Variants in FBLN2 observed in about 807,000 individuals in gnomAD.
FBLN2 encodes fibulin-2.
Under a neutral mutation model 123.7 loss-of-function variants are expected in FBLN2, and 81 were observed. The observed-to-expected ratio is 0.65, with a 90% CI of 0.55 to 0.79. The LOEUF (loss-of-function observed/expected upper bound fraction) is 0.79, where lower values mean the gene tolerates loss of function less well. Among genes scored for constraint, FBLN2 ranks in the 30% least tolerant of loss-of-function variants. FBLN2 has a pLI of 0.00. For synonymous variants in FBLN2, 699 were observed against 701.4 expected, an observed-to-expected ratio of 1.00 and a Z score of 0.05; for missense variants, 1,603 against 1,681.3, an observed-to-expected ratio of 0.95 and a Z score of 0.81.
intron 16 of FBLN2, among the ~76,000 whole-genome samples, chr3:13,635,546 G>A (rs1038017468): frequency 1.2e-4 from 18 of 152,208 alleles, no homozygotes; most frequent in African/African-American, 2.7e-4. Flanking sequence ...GGAGGTGTGC[G>A]TGTGCTCACG....
At chr3:13,609,857 C>A (rs1705332733) in intron 4 of FBLN2, among the ~76,000 whole-genome samples, 1 of 152,218 alleles carries the variant, frequency 6.6e-6, no homozygotes, top group South Asian at 2.1e-4. Context: ...ATTTGTAGAG[C>A]ACCACTGTGT....
intron 6 of FBLN2, 52 bp from the exon 7 acceptor site, chr3:13,618,852 G>A (rs1333257207): frequency 1.4e-6 from 2 of 1,402,786 alleles, no homozygotes; most frequent in East Asian, 4.8e-5. Flanking sequence ...CTGAGGCCTG[G>A]CTGAAGACCT....
chr3:13,559,948 G>A (rs35041567), intron 1 of FBLN2, among the ~76,000 whole-genome samples: 2 of 152,072 alleles, frequency 1.3e-5, no homozygotes, highest in African/African-American at 2.4e-5. Flanking sequence ...TGTGTGGAGC[G>A]CCAGGTGGGG....
At position 13,637,864 on chromosome 3, in the gene FBLN2, C is replaced by T. The variant is rs1382229092; in HGVS notation, c.3641C>T (p.Ser1214Phe). Residue 1214 changes from serine (S) to phenylalanine (F), a missense_variant, in exon 18 of 18, where the codon TCC becomes TTC. Transcript: ENST00000404922. ...GAGATGAAGCTCTGGAGGCAGGGCT[C>T]CGTCACCACCTTCCTGGCCAAGATG... is the stretch of plus-strand genomic sequence containing the variant. ...DVEMKLWRQG[S>F]VTTFLAKMHI... 1.9e-5 allele frequency: 30 copies of T among 1,610,676 alleles called. No individual in the cohort carries two copies. The highest frequency in any genetic ancestry group is 2.5e-5 in the Non-Finnish European group (29 of 1,177,606).
intron 2 of FBLN2, among the ~76,000 whole-genome samples, chr3:13,582,834 G>A (rs543551099): frequency 7.2e-5 from 11 of 152,376 alleles, no homozygotes; most frequent in African/African-American, 2.6e-4. Flanking sequence ...GGGTGGCGGG[G>A]GAGGGATGAG....
chr3:13,630,928 TCTGAG>T, intron 15 of FBLN2, 113 bp downstream of exon 15: 5 of 824,042 alleles, frequency 6.1e-6, no homozygotes, highest in Non-Finnish European at 7.8e-6. Flanking sequence ...TAGCATCAGA[TCTGAG>T]TTCAAGCCCC....
rs543913241 is a variant in FBLN2, at chr3:13,633,642, G to T, written c.3214+2185G>T. Among the ~76,000 whole-genome samples the T allele has an allele frequency of 2.0e-4, 30 of 152,336 alleles. No homozygotes were observed. In the East Asian group the frequency reaches 3.1e-3, roughly 16 times the overall value. On this transcript the variant is annotated intron_variant, in intron 16 of 17. Coordinates refer to ENST00000404922, the MANE Select transcript of FBLN2 (RefSeq NM_001004019.2). ...TGAGGTCTCTCGGCTCAAACAGGGT[G>T]GGGGGAGGCTGGCTTGGGGGAAAGA...
At chr3:13,632,193 C>G (rs1416756082) in intron 16 of FBLN2, among the ~76,000 whole-genome samples, 1 of 152,214 alleles carries the variant, frequency 6.6e-6, no homozygotes, top group East Asian at 1.9e-4. Flanking sequence ...GGTGAGGGGC[C>G]AGGACACAGA....
chr3:13,627,682 C>G, intron 10 of FBLN2, 150 bp from the exon 11 acceptor site: 2 of 992,802 alleles, frequency 2.0e-6, no homozygotes, highest in South Asian at 3.7e-5. Context: ...AAAGGCCATG[C>G]CGGCAACAAT....
At chr3:13,604,537 T>A (rs1471653458) in intron 2 of FBLN2, among the ~76,000 whole-genome samples, 1 of 152,226 alleles carries the variant, frequency 6.6e-6, no homozygotes, top group Non-Finnish European at 1.5e-5. Flanking sequence ...AAAGATCAGA[T>A]GGTTGTAGAT....
intron 17 of FBLN2, among the ~76,000 whole-genome samples, 179 bp downstream of exon 17, chr3:13,636,747 G>A (rs1706486958): frequency 6.6e-6 from 1 of 152,214 alleles, no homozygotes; most frequent in Non-Finnish European, 1.5e-5. Flanking sequence ...AGAGTTCAGG[G>A]TTGAGAGAAG....
intron 1 of FBLN2, among the ~76,000 whole-genome samples, chr3:13,565,975 T>G (rs1048192874): frequency 1.1e-4 from 17 of 152,242 alleles, no homozygotes; most frequent in African/African-American, 3.9e-4. Flanking sequence ...GCCTTCCTGA[T>G]GGGTGCAAGG....
intron 2 of FBLN2, among the ~76,000 whole-genome samples, chr3:13,597,599 GCAT>G (rs746270190): frequency 3.9e-5 from 6 of 152,220 alleles, no homozygotes; most frequent in Non-Finnish European, 8.8e-5. Flanking sequence ...GAGGTGGCTG[GCAT>G]CATGTGGTCA....
chr3:13,592,809 G>A (rs765370938), intron 2 of FBLN2, among the ~76,000 whole-genome samples: 45 of 152,024 alleles, frequency 3.0e-4, no homozygotes, highest in Non-Finnish European at 5.4e-4. Context: ...AGTTTGCTTT[G>A]GCAACAGTTT....
intron 1 of FBLN2, among the ~76,000 whole-genome samples, chr3:13,553,555 G>A (rs372976248): frequency 6.6e-6 from 1 of 152,250 alleles, no homozygotes; most frequent in Non-Finnish European, 1.5e-5. Context: ...AGGGCCCCTC[G>A]TGGGTCAAGC....
intron 1 of FBLN2, among the ~76,000 whole-genome samples, chr3:13,566,891 C>T (rs760089742): frequency 1.3e-5 from 2 of 152,196 alleles, no homozygotes; most frequent in Non-Finnish European, 2.9e-5. Context: ...GCTGGTGGGC[C>T]CCCGACTATG....
At chr3:13,633,954 A>AACAC (rs56947028) in intron 16 of FBLN2, among the ~76,000 whole-genome samples, 3,116 of 112,874 alleles carry the variant, frequency 0.028, 181 homozygotes, top group African/African-American at 0.084. Flanking sequence ...ACACACTGCA[A>AACAC]ACACACACAC....
intron 1 of FBLN2, among the ~76,000 whole-genome samples, chr3:13,562,613 C>T (rs1051063513): frequency 3.9e-5 from 6 of 152,192 alleles, no homozygotes; most frequent in Admixed American, 2.6e-4. Flanking sequence ...CCTTGGCCTC[C>T]CAAAGTGCTG....
intron 13 of FBLN2, 85 bp downstream of exon 13, chr3:13,629,377 C>T: frequency 6.9e-7 from 1 of 1,459,296 alleles, no homozygotes; most frequent in South Asian, 1.4e-5. Context: ...ATGCCCAGCA[C>T]CTCCACTGCC....
Sources: allele counts gnomAD v4.1 joint callset (sites outside exome capture counted in the v4.1 genomes callset), GRCh38; gene constraint gnomAD v4.1.1; transcripts MANE v1.5; gene names NCBI Gene and HGNC (gene_info 2026-07-23, HGNC 2026-07-21).